Variants in DSTYK observed in about 807,000 individuals in gnomAD.
DSTYK encodes the protein RIP-homologous kinase.
A neutral mutation model predicts 98.7 loss-of-function variants in DSTYK; 34 were observed. That is an observed-to-expected ratio of 0.34 (90% CI 0.26 to 0.46). DSTYK has a LOEUF of 0.46. Among genes scored for constraint, DSTYK ranks in the 20% least tolerant of loss-of-function variants. The pLI, the probability that DSTYK is intolerant of heterozygous loss-of-function variation, is 1.00. For missense variants in DSTYK, 962 were observed against 1,181.7 expected (o/e 0.81, Z 2.73); for synonymous variants, 462 against 457.3 (o/e 1.01, Z -0.13).
chr1:205,165,734 A>G (rs1343301497), intron 3 of DSTYK, among the ~76,000 whole-genome samples: 2 of 152,240 alleles, frequency 1.3e-5, no homozygotes, highest in Non-Finnish European at 2.9e-5. Flanking sequence ...CCCAAGGTGT[A>G]TATGTACAAT....
chr1:205,193,331 G>A (rs897870870), intron 1 of DSTYK, among the ~76,000 whole-genome samples: 2 of 152,064 alleles, frequency 1.3e-5, no homozygotes, highest in African/African-American at 4.8e-5. Flanking sequence ...TTGTTTTTGG[G>A]GTAATGTCAA....
At chr1:205,208,041 C>A (rs1347644712) in intron 1 of DSTYK, among the ~76,000 whole-genome samples, 1 of 151,862 alleles carries the variant, frequency 6.6e-6, no homozygotes, top group East Asian at 2.0e-4. Flanking sequence ...CCATGCCCAG[C>A]TAATTTTTTT....
In DSTYK at chr1:205,187,493, C is replaced by T. The variant is rs1558619458; in HGVS notation, c.579G>A (p.Glu193=). ...CAGCATCCTCATTGTTCTCTTGGACCTCCAGATCCTCCTCAGGGATGGTCT... is the reference window on the plus strand; with the variant it reads ...CAGCATCCTCATTGTTCTCTTGGACTTCCAGATCCTCCTCAGGGATGGTCT... The part of the protein sequence containing the change: ...NWETIPEEDL[E]VQENNEDAAH... Residue 193 remains glutamate, a synonymous_variant, in exon 2 of 13, where the codon GAG becomes GAA. Transcript: ENST00000367162. The T allele has an allele frequency of 1.2e-6, 2 of 1,614,170 alleles. No homozygotes were observed. The highest frequency in any genetic ancestry group is 1.7e-5 in the Admixed American group (1 of 60,018).
At chr1:205,203,248 C>A (rs1175479529) in intron 1 of DSTYK, among the ~76,000 whole-genome samples, 3 of 149,966 alleles carry the variant, frequency 2.0e-5, no homozygotes, top group African/African-American at 7.4e-5. Flanking sequence ...CTTGGGAGGC[C>A]AAGGTGGCCA....
intron 2 of DSTYK, among the ~76,000 whole-genome samples, chr1:205,184,374 A>G (rs188996453): frequency 1.1e-4 from 17 of 152,110 alleles, no homozygotes; most frequent in Non-Finnish European, 1.8e-4. Context: ...GTAGTTCCAG[A>G]CCAGCTGGCC....
chr1:205,172,305 T>G (rs1439149800), intron 2 of DSTYK, among the ~76,000 whole-genome samples: 3 of 151,264 alleles, frequency 2.0e-5, no homozygotes, highest in East Asian at 1.9e-4. Context: ...TTTGTGGTTT[T>G]TTTTTTTTTT....
At position 205,160,272 on chromosome 1, in the gene DSTYK, T is replaced by G. The variant is rs759080528; in HGVS notation, c.1949-2A>C. Reference sequence around the variant, plus strand: ...GTTCCTGTCCCAGTTTAGGTTTACCTATAAGGTACAGAGACAGAGATAAGG... The same window carrying G: ...GTTCCTGTCCCAGTTTAGGTTTACCGATAAGGTACAGAGACAGAGATAAGG... On this transcript the variant is annotated splice_acceptor_variant, in intron 7 of 12. Coordinates refer to ENST00000367162, the MANE Select transcript of DSTYK (RefSeq NM_015375.3). LOFTEE classifies it high-confidence loss of function. 1 of 1,613,610 alleles carries G rather than the reference T, an allele frequency of 6.2e-7. No individual in the cohort carries two copies. Among genetic ancestry groups the G allele is most frequent in the Non-Finnish European group, 8.5e-7 (1 of 1,179,964 alleles).
chr1:205,186,280 C>A (rs1277048506), intron 2 of DSTYK, among the ~76,000 whole-genome samples: 1 of 152,182 alleles, frequency 6.6e-6, no homozygotes, highest in African/African-American at 2.4e-5. Flanking sequence ...AATGTGAACT[C>A]TCAGTTTGAA....
At chr1:205,159,956 G>T in intron 8 of DSTYK, 158 bp downstream of exon 8, 1 of 925,116 alleles carries the variant, frequency 1.1e-6, no homozygotes, top group South Asian at 1.6e-5. Context: ...GAAAGAGCAA[G>T]CAAAGACAGT....
intron 2 of DSTYK, among the ~76,000 whole-genome samples, chr1:205,170,879 C>G (rs1004927524): frequency 6.6e-6 from 1 of 151,930 alleles, no homozygotes; most frequent in Admixed American, 6.6e-5. Flanking sequence ...AGAACAGCAG[C>G]GATCACTCAG....
At chr1:205,172,464 TA>T (rs34267167) in intron 2 of DSTYK, among the ~76,000 whole-genome samples, 68,055 of 149,414 alleles carry the variant, frequency 0.46, 18,896 homozygotes, top group Non-Finnish European at 0.61. Flanking sequence ...TACGCCCAGC[TA>T]ATTTTCATTC....
At position 205,211,597 on chromosome 1, in the gene DSTYK, C is replaced by T; in HGVS notation, c.-62G>A. ...GGCCGCAGGCCCGGCCTCCCTCCTC[C>T]CCGCCCCCCAGTGCCGAAGGGAGGA... On this transcript the variant is annotated 5_prime_UTR_variant, in exon 1 of 13. Coordinates refer to ENST00000367162, the MANE Select transcript of DSTYK (RefSeq NM_015375.3). 3 of 1,409,854 alleles carry T rather than the reference C, an allele frequency of 2.1e-6. No individual in the cohort carries two copies. The highest frequency in any genetic ancestry group is 2.8e-6 in the Non-Finnish European group (3 of 1,090,286). 87.3% of individuals were successfully genotyped at this position (1,409,854 alleles called of 1,614,324 possible).
intron 12 of DSTYK, 72 bp from the exon 13 acceptor site, chr1:205,147,817 A>C: frequency 3.3e-6 from 5 of 1,499,226 alleles, no homozygotes; most frequent in Non-Finnish European, 3.7e-6. Context: ...TGACCAGCTC[A>C]AAGGCTGACT....
chr1:205,199,202 A>T (rs1276358707), intron 1 of DSTYK, among the ~76,000 whole-genome samples: 1 of 152,178 alleles, frequency 6.6e-6, no homozygotes, highest in East Asian at 1.9e-4. Flanking sequence ...AGCATGTTAT[A>T]ATAAAGCCCA....
At chr1:205,161,963 G>A (rs1229318539) in intron 6 of DSTYK, 73 bp downstream of exon 6, 4 of 1,474,288 alleles carry the variant, frequency 2.7e-6, no homozygotes, top group African/African-American at 1.4e-5. Flanking sequence ...GAAGAGCGGA[G>A]AGCGAAATAT....
At chr1:205,156,030 G>A (rs1310961050) in intron 10 of DSTYK, among the ~76,000 whole-genome samples, 2 of 152,266 alleles carry the variant, frequency 1.3e-5, no homozygotes, top group East Asian at 3.8e-4. Context: ...TACATGTGGT[G>A]TTGGGCCTGC....
chr1:205,204,231 T>C (rs1485483923), intron 1 of DSTYK, among the ~76,000 whole-genome samples: 1 of 152,138 alleles, frequency 6.6e-6, no homozygotes, highest in East Asian at 1.9e-4. Flanking sequence ...TGACGACTCA[T>C]CTGTAACAGA....
intron 2 of DSTYK, among the ~76,000 whole-genome samples, chr1:205,179,653 T>G (rs1263956148): frequency 3.3e-5 from 5 of 151,336 alleles, no homozygotes; most frequent in Non-Finnish European, 7.4e-5. Flanking sequence ...ACTAGATGCT[T>G]TCAGGGGTCC....
At chr1:205,193,824 T>C (rs1658781949) in intron 1 of DSTYK, among the ~76,000 whole-genome samples, 1 of 146,766 alleles carries the variant, frequency 6.8e-6, no homozygotes, top group Non-Finnish European at 1.5e-5. Flanking sequence ...TGAGCCGAGA[T>C]AGTGCCACTG....
Sources: gnomAD v4.1 joint callset for allele counts (sites outside exome capture counted in the v4.1 genomes callset) on GRCh38, gnomAD v4.1.1 for gene constraint, MANE v1.5 for transcripts, NCBI Gene and HGNC (gene_info 2026-07-23, HGNC 2026-07-21) for gene names.